CD99: variants seen among roughly 807,000 people sequenced by gnomAD.
The protein encoded by CD99 is CD99 antigen.
CD99 carries 19 observed loss-of-function variants against 28.4 expected under a neutral mutation model. The observed-to-expected ratio is 0.67, with a 90% CI of 0.47 to 0.98. The LOEUF is 0.98. Among genes scored for constraint, CD99 ranks in the 50% least tolerant of loss-of-function variants. The pLI, the probability that CD99 is intolerant of heterozygous loss-of-function variation, is 0.00. For synonymous variants in CD99, 103 were observed against 92.1 expected, an observed-to-expected ratio of 1.12 and a Z score of -0.67; for missense variants, 283 against 248.8, an observed-to-expected ratio of 1.14 and a Z score of -0.92.
At chrX:2,707,242 A>C (rs2048163299) in intron 1 of CD99, among the ~76,000 whole-genome samples, 1 of 152,014 alleles carries the variant, frequency 6.6e-6, no homozygotes, top group African/African-American at 2.4e-5. Context: ...AGGAAGGAGA[A>C]TCACTTGAAC....
chrX:2,719,595 C>A, intron 3 of CD99, 66 bp from the exon 4 acceptor site: 1 of 1,320,626 alleles, frequency 7.6e-7, no homozygotes, highest in Non-Finnish European at 1.1e-6. Context: ...TTGATCTGTT[C>A]ACGAGGTCAT....
intron 3 of CD99, 89 bp from the exon 4 acceptor site, chrX:2,719,571 GC>G: frequency 1.0e-6 from 1 of 997,292 alleles, no homozygotes; most frequent in Non-Finnish European, 1.6e-6. Flanking sequence ...GGAATGTGGG[GC>G]CGTGGTGTGT....
At chrX:2,716,225 G>A (rs1460858099) in intron 2 of CD99, among the ~76,000 whole-genome samples, 4 of 152,080 alleles carry the variant, frequency 2.6e-5, no homozygotes, top group Admixed American at 2.6e-4. Context: ...CATAATGTTG[G>A]TCAGGCTGGT....
intron 9 of CD99, 95 bp downstream of exon 9, chrX:2,738,351 T>C: frequency 8.2e-7 from 1 of 1,221,766 alleles, no homozygotes; most frequent in Admixed American, 1.7e-5. Context: ...GCTCACATTC[T>C]CAAATTTGGT....
At chrX:2,711,315 A>T (rs2124534814) in intron 1 of CD99, among the ~76,000 whole-genome samples, 1 of 148,536 alleles carries the variant, frequency 6.7e-6, no homozygotes, top group South Asian at 2.1e-4. Context: ...TATAGTATGT[A>T]TGTATATGGT....
intron 5 of CD99, among the ~76,000 whole-genome samples, chrX:2,720,691 C>A (rs1433180703): frequency 1.6e-5 from 2 of 124,746 alleles, no homozygotes; most frequent in African/African-American, 3.1e-5. Flanking sequence ...GTGGTGCCAT[C>A]TTGGCTCACT....
intron 8 of CD99, among the ~76,000 whole-genome samples, chrX:2,734,811 C>A (rs1377705380): frequency 7.8e-6 from 1 of 128,678 alleles, no homozygotes; most frequent in Non-Finnish European, 1.7e-5. Flanking sequence ...TTTTCATATT[C>A]CTTTTAATTT....
At chrX:2,691,917 G>A (rs1286014293) in intron 1 of CD99, 1 of 779,246 alleles carries the variant, frequency 1.3e-6, no homozygotes, top group Admixed American at 1.7e-5. Context: ...TGGGGGGAAG[G>A]GAAGGAAAAG....
intron 1 of CD99, among the ~76,000 whole-genome samples, chrX:2,694,663 A>G (rs993843474): frequency 1.3e-5 from 2 of 151,982 alleles, no homozygotes; most frequent in African/African-American, 4.8e-5. Flanking sequence ...TGAGGCAGGA[A>G]AATCACTTCA....
intron 8 of CD99, among the ~76,000 whole-genome samples, chrX:2,727,053 T>C (rs781438942): frequency 1.2e-4 from 19 of 152,186 alleles, no homozygotes; most frequent in African/African-American, 4.6e-4. Flanking sequence ...AGGAGAATGG[T>C]GTGAACCTGG....
chrX:2,736,370 T>C (rs1387208804), intron 8 of CD99, among the ~76,000 whole-genome samples: 3 of 152,036 alleles, frequency 2.0e-5, no homozygotes, highest in Admixed American at 6.6e-5. Flanking sequence ...GCTGCTTCCC[T>C]TTGTGTTGAA....
chrX:2,726,799 A>G (rs2049309158), intron 8 of CD99, among the ~76,000 whole-genome samples: 1 of 149,362 alleles, frequency 6.7e-6, no homozygotes, highest in Non-Finnish European at 1.5e-5. Context: ...AGCCGTGACC[A>G]GGGGGCCGCC....
At chrX:2,725,261 G>T (rs1166980515) in intron 7 of CD99, among the ~76,000 whole-genome samples, 1 of 151,948 alleles carries the variant, frequency 6.6e-6, no homozygotes, top group Non-Finnish European at 1.5e-5. Flanking sequence ...AACCAGGCAT[G>T]GTGGTGCACA....
In CD99 at chrX:2,727,209, A is replaced by G. The variant is rs1398710613; in HGVS notation, c.475+836A>G. The G allele has an allele frequency of 5.3e-5, 39 of 736,088 alleles. No individual in the cohort carries two copies. The Admixed American group carries it at 7.5e-4, about 14-fold the overall frequency. The allele number at this position is 736,088 out of a possible 1,614,324, so 45.6% of individuals were successfully genotyped here. On this transcript the variant is annotated intron_variant, in intron 8 of 9. Coordinates refer to ENST00000381192, the MANE Select transcript of CD99 (RefSeq NM_002414.5). ...TAGTACCGAAAACCCACAGGCACCCAGGACCTGGGAAGTTTCTTGGATCGG... is the reference window on the plus strand; with the variant it reads ...TAGTACCGAAAACCCACAGGCACCCGGGACCTGGGAAGTTTCTTGGATCGG...
At chrX:2,724,567 G>A (rs1448438077) in intron 7 of CD99, among the ~76,000 whole-genome samples, 1 of 152,110 alleles carries the variant, frequency 6.6e-6, no homozygotes, top group Non-Finnish European at 1.5e-5. Context: ...CCAAGAGTTC[G>A]AAACCAGCCT....
rs1162851234 is a variant in CD99, at chrX:2,720,340, C to T, written c.194-16C>T. 1.2e-6 allele frequency: 2 copies of T among 1,613,516 alleles called. No individual in the cohort carries two copies. Among genetic ancestry groups the T allele is most frequent in the African/African-American group, 1.3e-5 (1 of 74,864 alleles). On this transcript the variant is annotated splice_polypyrimidine_tract_variant and intron_variant, in intron 4 of 9. Transcript: ENST00000381192. ...GCAAGGCACTTAAAATTGCAACTCT[C>T]ATCTTTCACAAACAGACGACCCACG...
intron 8 of CD99, among the ~76,000 whole-genome samples, chrX:2,733,144 C>G (rs1000740958): frequency 3.4e-5 from 5 of 148,584 alleles, no homozygotes; most frequent in African/African-American, 1.2e-4. Flanking sequence ...TCCCTCCCTG[C>G]CTTCCTCTGT....
rs996218540 is a variant in CD99, at chrX:2,691,497, A to G, written c.67+70A>G. 10 of 1,496,814 alleles carry G rather than the reference A, an allele frequency of 6.7e-6. No homozygotes were observed. In the African/African-American group the frequency reaches 1.4e-4, roughly 21 times the overall value. 92.7% of individuals were successfully genotyped at this position (1,496,814 alleles called of 1,614,324 possible). ...GGCCGGGACTGGGGATCCGCTTGAG[A>G]TGCGGCGTTGGGGGCGCCCCGCGGG... On this transcript the variant is annotated intron_variant, in intron 1 of 9. Coordinates refer to ENST00000381192, the MANE Select transcript of CD99 (RefSeq NM_002414.5).
At chrX:2,718,148 C>T (rs2048824814) in intron 3 of CD99, 1 of 161,890 alleles carries the variant, frequency 6.2e-6, no homozygotes. Flanking sequence ...ACTATGTCGG[C>T]CAGGCTGGTC....
Sources: gnomAD v4.1 joint callset for allele counts (sites outside exome capture counted in the v4.1 genomes callset) on GRCh38, gnomAD v4.1.1 for gene constraint, MANE v1.5 for transcripts, NCBI Gene and HGNC (gene_info 2026-07-23, HGNC 2026-07-21) for gene names.